Variants in NCOA2 observed in about 807,000 individuals in gnomAD.
NCOA2 encodes class E basic helix-loop-helix protein 75.
In NCOA2, 21 loss-of-function variants were observed where a neutral mutation model predicts 145.1. The ratio of observed to expected loss-of-function variants is 0.14; its 90% CI spans 0.10 to 0.21. The LOEUF (loss-of-function observed/expected upper bound fraction) is 0.21, where lower values mean the gene tolerates loss of function less well. NCOA2 is among the 10% of genes least tolerant of loss of function. NCOA2 has a pLI of 1.00. For missense variants in NCOA2, 1,472 were observed against 1,837.6 expected, an observed-to-expected ratio of 0.80 and a Z score of 3.64; for synonymous variants, 619 against 637.5, an observed-to-expected ratio of 0.97 and a Z score of 0.44.
the NCOA2 span, among the ~76,000 whole-genome samples, chr8:70,422,811 A>G: frequency 1.5e-3 from 225 of 152,072 alleles, 1 homozygote; most frequent in African/African-American, 5.2e-3. Flanking sequence ...ATACAATTTT[A>G]TATTCTGATT....
chr8:70,127,123 G>C (rs560951163), intron 18 of NCOA2, 76 bp from the exon 19 acceptor site: 9 of 1,044,618 alleles, frequency 8.6e-6, no homozygotes, highest in Non-Finnish European at 1.3e-5. Context: ...GTATTATAGA[G>C]AGGCTAGCAA....
chr8:70,422,960 C>T, the NCOA2 span, among the ~76,000 whole-genome samples: 2 of 152,146 alleles, frequency 1.3e-5, no homozygotes, highest in African/African-American at 4.8e-5. Context: ...TCCTGAGTGG[C>T]TGGGATTACA....
chr8:70,113,531 C>A lies in NCOA2; in HGVS notation c.*101G>T. 7.3e-7 allele frequency: 1 copy of A among 1,366,456 alleles called. No homozygotes were observed. The highest frequency in any genetic ancestry group is 2.0e-5 in the Admixed American group (1 of 49,856). 84.6% of individuals were successfully genotyped at this position (1,366,456 alleles called of 1,614,324 possible). A position where few individuals can be genotyped will look rare whatever the true frequency, so the allele number is the denominator to read the frequency against. On this transcript the variant is annotated 3_prime_UTR_variant, in exon 23 of 23. Coordinates refer to ENST00000452400, the MANE Select transcript of NCOA2 (RefSeq NM_006540.4). Reference sequence around the variant, plus strand: ...TGTCTGCTCTAGCAGAACCGGCTGGCAGGTCAGTTGGGTTGAAACAAATAG... The same window carrying A: ...TGTCTGCTCTAGCAGAACCGGCTGGAAGGTCAGTTGGGTTGAAACAAATAG...
intron 22 of NCOA2, among the ~76,000 whole-genome samples, chr8:70,116,185 T>TCAAAAAA (rs1807101662): frequency 7.7e-5 from 6 of 77,468 alleles, no homozygotes; most frequent in Non-Finnish European, 1.4e-4. Flanking sequence ...AGACTCTGTC[T>TCAAAAAA]TAAAAAAAAA....
chr8:70,295,270 C>T (rs1026684594), intron 2 of NCOA2, among the ~76,000 whole-genome samples: 2 of 152,068 alleles, frequency 1.3e-5, no homozygotes, highest in Admixed American at 6.5e-5. Flanking sequence ...AAACAAAAAA[C>T]GAAATAAGTT....
At chr8:70,157,370 T>A (rs1226105709) in intron 10 of NCOA2, 130 bp from the exon 11 acceptor site, 1 of 860,264 alleles carries the variant, frequency 1.2e-6, no homozygotes, top group Non-Finnish European at 1.7e-6. Flanking sequence ...TAGATAATAC[T>A]TTGTTGAAAT....
At chr8:70,452,730 A>AG in the NCOA2 span, among the ~76,000 whole-genome samples, 1 of 152,042 alleles carries the variant, frequency 6.6e-6, no homozygotes, top group Admixed American at 6.5e-5. Context: ...AATTGCAAAA[A>AG]GAAAAAAAAA....
chr8:70,160,953 T>C (rs991062001), intron 9 of NCOA2, among the ~76,000 whole-genome samples: 1 of 152,332 alleles, frequency 6.6e-6, no homozygotes, highest in African/African-American at 2.4e-5. Flanking sequence ...ATATTTCCAA[T>C]GGCTTATAAT....
intron 1 of NCOA2, among the ~76,000 whole-genome samples, chr8:70,357,091 C>T (rs1230464899): frequency 1.3e-5 from 2 of 152,156 alleles, no homozygotes; most frequent in Non-Finnish European, 2.9e-5. Flanking sequence ...TAATGAGTTC[C>T]GCCTGCTTCA....
chr8:70,196,858 A>G (rs1586052268), intron 4 of NCOA2, among the ~76,000 whole-genome samples: 2 of 152,360 alleles, frequency 1.3e-5, no homozygotes, highest in Admixed American at 1.3e-4. Flanking sequence ...CAGGCTGCAG[A>G]ATAACCAGAC....
chr8:70,334,054 C>T (rs1807341202), intron 1 of NCOA2, among the ~76,000 whole-genome samples: 2 of 152,172 alleles, frequency 1.3e-5, no homozygotes, highest in Non-Finnish European at 1.5e-5. Context: ...ATACAATTCA[C>T]TCTACATACT....
At chr8:70,285,790 G>A (rs548384722) in intron 2 of NCOA2, among the ~76,000 whole-genome samples, 63 of 152,218 alleles carry the variant, frequency 4.1e-4, no homozygotes, top group Non-Finnish European at 7.5e-4. Context: ...AAATGCTACC[G>A]GTTGGATGGG....
In NCOA2 at chr8:70,124,681, C is replaced by T. The variant is rs780770496; in HGVS notation, c.4094+7G>A. The T allele has an allele frequency of 3.5e-5, 56 of 1,596,070 alleles. No homozygotes were observed. In the South Asian group the frequency reaches 4.2e-4, roughly 12 times the overall value. ...GCGGTATGAAAAGGAGAAGGATTTG[C>T]GGTTACCTGTTTCCGCCCATGTTCC... is the stretch of plus-strand genomic sequence containing the variant. On this transcript the variant is annotated splice_region_variant and intron_variant, in intron 20 of 22. Transcript: ENST00000452400.
At chr8:70,351,699 C>A (rs1324756570) in intron 1 of NCOA2, among the ~76,000 whole-genome samples, 1 of 150,842 alleles carries the variant, frequency 6.6e-6, no homozygotes, top group Non-Finnish European at 1.5e-5. Flanking sequence ...AATCCCCCTA[C>A]CTCAGCCTCC....
At chr8:70,249,135 G>A (rs1822877409) in intron 2 of NCOA2, among the ~76,000 whole-genome samples, 1 of 151,938 alleles carries the variant, frequency 6.6e-6, no homozygotes, top group African/African-American at 2.4e-5. Context: ...AACCAGGGTG[G>A]GCCTGAGCTA....
chr8:70,419,769 A>C, the NCOA2 span, among the ~76,000 whole-genome samples: 5 of 152,142 alleles, frequency 3.3e-5, no homozygotes, highest in Non-Finnish European at 7.3e-5. Context: ...TGTCATTTTA[A>C]GGCACCCTCA....
chr8:70,205,980 T>C (rs905032499), intron 4 of NCOA2, among the ~76,000 whole-genome samples: 1 of 152,144 alleles, frequency 6.6e-6, no homozygotes, highest in Non-Finnish European at 1.5e-5. Flanking sequence ...GCAGGTAGCA[T>C]ACTGATTCAC....
chr8:70,437,913 T>G, the NCOA2 span, among the ~76,000 whole-genome samples: 1 of 152,242 alleles, frequency 6.6e-6, no homozygotes, highest in African/African-American at 2.4e-5. Flanking sequence ...ATCCCCTTTC[T>G]ACTGCAAAGA....
At chr8:70,413,494 C>T in the NCOA2 span, among the ~76,000 whole-genome samples, 4 of 152,110 alleles carry the variant, frequency 2.6e-5, no homozygotes, top group Non-Finnish European at 2.9e-5. Context: ...ATCCAGAAAC[C>T]TATGTTAATG....
Sources: gnomAD v4.1 joint callset for allele counts (sites outside exome capture counted in the v4.1 genomes callset) on GRCh38, gnomAD v4.1.1 for gene constraint, MANE v1.5 for transcripts, NCBI Gene and HGNC (gene_info 2026-07-23, HGNC 2026-07-21) for gene names.